GTF2A1: variants seen among roughly 807,000 people sequenced by gnomAD.
The protein encoded by GTF2A1 is transcription initiation factor IIA subunit 1.
In GTF2A1, 12 loss-of-function variants were observed where a neutral mutation model predicts 54.1. The observed-to-expected ratio is 0.22, with a 90% confidence interval of 0.14 to 0.36. GTF2A1 has a LOEUF of 0.36. Among genes scored for constraint, GTF2A1 ranks in the 10% least tolerant of loss-of-function variants. The pLI, the probability that GTF2A1 is intolerant of heterozygous loss-of-function variation, is 1.00. For missense variants in GTF2A1, 335 were observed against 442.2 expected, an observed-to-expected ratio of 0.76 and a Z score of 2.17; for synonymous variants, 145 against 152.0, an observed-to-expected ratio of 0.95 and a Z score of 0.34.
At chr14:81,206,734 A>T (rs1433411714) in intron 2 of GTF2A1, among the ~76,000 whole-genome samples, 1 of 152,140 alleles carries the variant, frequency 6.6e-6, no homozygotes, top group Non-Finnish European at 1.5e-5. Context: ...AGTGATTCAT[A>T]GTCAATTTAG....
chr14:81,198,959 G>C (rs1050711115), intron 4 of GTF2A1, among the ~76,000 whole-genome samples: 2 of 152,048 alleles, frequency 1.3e-5, no homozygotes, highest in Non-Finnish European at 2.9e-5. Context: ...TTCCCACTGT[G>C]TCTCCAGAAT....
chr14:81,218,036 T>C (rs1893524289), intron 1 of GTF2A1, among the ~76,000 whole-genome samples: 2 of 152,092 alleles, frequency 1.3e-5, no homozygotes, highest in Non-Finnish European at 2.9e-5. Context: ...TATCTGACTA[T>C]GGACATCATC....
At chr14:81,195,826 C>T (rs1258711307) in intron 6 of GTF2A1, among the ~76,000 whole-genome samples, 1 of 151,958 alleles carries the variant, frequency 6.6e-6, no homozygotes, top group African/African-American at 2.4e-5. Flanking sequence ...TCAGTAACTG[C>T]TTATTGAATA....
chr14:81,220,591 ACT>A lies in GTF2A1; in HGVS notation c.-75_-74del. ...TAAAAACAAAACCAAAAAAAAAAAAACTATAACACCCGGAGGGTGACCCAAAT... is the reference window on the plus strand; with the variant it reads ...TAAAAACAAAACCAAAAAAAAAAAAAATAACACCCGGAGGGTGACCCAAAT... On this transcript the variant is annotated 5_prime_UTR_variant, in exon 1 of 9. Coordinates refer to ENST00000553612, the MANE Select transcript of GTF2A1 (RefSeq NM_015859.4). The A allele has an allele frequency of 6.7e-6, 8 of 1,195,206 alleles. No individual in the cohort carries two copies. Among genetic ancestry groups the A allele is most frequent in the Non-Finnish European group, 9.2e-6 (8 of 870,260 alleles). The allele number at this position is 1,195,206 out of a possible 1,614,324, so 74.0% of individuals were successfully genotyped here.
intron 7 of GTF2A1, among the ~76,000 whole-genome samples, chr14:81,186,206 T>A (rs1306581641): frequency 6.6e-6 from 1 of 152,224 alleles, no homozygotes; most frequent in Non-Finnish European, 1.5e-5. Flanking sequence ...TTCTCTACAA[T>A]AACTGTTTAA....
At chr14:81,188,358 AG>A (rs1204379225) in intron 7 of GTF2A1, among the ~76,000 whole-genome samples, 2 of 152,154 alleles carry the variant, frequency 1.3e-5, no homozygotes, top group African/African-American at 4.8e-5. Context: ...ACTGCACTCC[AG>A]TCTGGGCAAC....
chr14:81,201,707 T>C (rs1386365325), intron 3 of GTF2A1, 49 bp from the exon 4 acceptor site: 1 of 1,267,814 alleles, frequency 7.9e-7, no homozygotes, highest in Non-Finnish European at 1.2e-6. Flanking sequence ...GAGGCTATTT[T>C]ATAATCACAA....
intron 2 of GTF2A1, among the ~76,000 whole-genome samples, chr14:81,211,882 T>C (rs1480686982): frequency 1.7e-4 from 8 of 45,998 alleles, no homozygotes; most frequent in African/African-American, 3.5e-4. Flanking sequence ...ACTTTATATA[T>C]ATATATATAT....
chr14:81,196,284 G>A, intron 5 of GTF2A1, 43 bp from the exon 6 acceptor site: 1 of 1,602,642 alleles, frequency 6.2e-7, no homozygotes, highest in Non-Finnish European at 8.5e-7. Flanking sequence ...TTTTAGCAGT[G>A]ACCATCTCAA....
At chr14:81,181,053 C>T (rs1892627902) in intron 8 of GTF2A1, among the ~76,000 whole-genome samples, 2 of 152,162 alleles carry the variant, frequency 1.3e-5, no homozygotes. Context: ...CTAAAGGATG[C>T]TAATCATCCA....
Position 81,216,447 on chromosome 14 carries a change from C to T in GTF2A1, c.98G>A (p.Gly33Glu). The change falls in exon 2 of 9, where the codon GGA becomes GAA. Residue 33 changes from glycine (G) to glutamate (E), a missense_variant. Gly to Glu is a moderately conservative substitution (Grantham distance 98, BLOSUM62 -2). Coordinates refer to ENST00000553612, the MANE Select transcript of GTF2A1 (RefSeq NM_015859.4). The part of the protein sequence containing the change: ...NDVRDIFLDD[G>E]VDEQVLMELK... Reference sequence around the variant, plus strand: ...TTCCATCAGTACTTGTTCATCCACTCCATCATCCAGAAAGATGTCTCTCAC... The same window carrying T: ...TTCCATCAGTACTTGTTCATCCACTTCATCATCCAGAAAGATGTCTCTCAC... The T allele has an allele frequency of 6.6e-7, 1 of 1,526,026 alleles. No homozygotes were observed. The highest frequency in any genetic ancestry group is 1.7e-5 in the Admixed American group (1 of 59,844). The allele number at this position is 1,526,026 out of a possible 1,614,324, so 94.5% of individuals were successfully genotyped here. A position where few individuals can be genotyped will look rare whatever the true frequency, so the allele number is the denominator to read the frequency against.
chr14:81,210,659 A>G (rs1893344084), intron 2 of GTF2A1, among the ~76,000 whole-genome samples: 1 of 152,154 alleles, frequency 6.6e-6, no homozygotes, highest in South Asian at 2.1e-4. Context: ...GGTTCAAGCA[A>G]TTCTCCTGCC....
chr14:81,196,772 A>G (rs542307374), intron 5 of GTF2A1, among the ~76,000 whole-genome samples: 190 of 152,352 alleles, frequency 1.2e-3, no homozygotes, highest in African/African-American at 4.3e-3. Context: ...GTTCCTTTAG[A>G]CAACCCAGAA....
In GTF2A1 at chr14:81,214,155, C is replaced by T. The variant is rs116124282; in HGVS notation, c.132+2258G>A. On this transcript the variant is annotated intron_variant, in intron 2 of 8. Transcript: ENST00000553612. ...AATACGCCAAGACCTACCTCATCAC[C>T]GCAATCAAGGTAAGATTTGCAACTG... Among the ~76,000 whole-genome samples, 1,422 of 152,258 alleles carry T rather than the reference C, an allele frequency of 9.3e-3. 26 individuals are homozygous for T. Among genetic ancestry groups the T allele is most frequent in the African/African-American group, 0.033 (1,366 of 41,534 alleles).
In GTF2A1 at chr14:81,220,773, C is replaced by T. The variant is rs1011054624; in HGVS notation, c.-255G>A. 1.4e-5 allele frequency: 5 copies of T among 368,586 alleles called. No individual in the cohort carries two copies. Among genetic ancestry groups the T allele is most frequent in the South Asian group, 7.9e-5 (1 of 12,696 alleles). 22.8% of individuals were successfully genotyped at this position (368,586 alleles called of 1,614,324 possible). Reference sequence around the variant, plus strand: ...AAAAAGCCACGACCCTTCAGGGGTCCGGGGGGCGTTGCCCGCTCCCCACCC... The same window carrying T: ...AAAAAGCCACGACCCTTCAGGGGTCTGGGGGGCGTTGCCCGCTCCCCACCC... On this transcript the variant is annotated 5_prime_UTR_variant, in exon 1 of 9. Transcript: ENST00000553612.
chr14:81,205,903 A>G lies in GTF2A1; in HGVS notation c.133-1799T>C, dbSNP rs1469393185. Among the ~76,000 whole-genome samples, 3 of 152,178 alleles carry G rather than the reference A, an allele frequency of 2.0e-5. No individual in the cohort carries two copies. The South Asian group carries it at 6.2e-4, about 31-fold the overall frequency. ...GACACTCACATGCTAAATAAAACAC[A>G]TTATGACTAATGTATTATATATAGT... is the stretch of plus-strand genomic sequence containing the variant. On this transcript the variant is annotated intron_variant, in intron 2 of 8. Transcript: ENST00000553612.
At chr14:81,188,858 C>T (rs994915865) in intron 7 of GTF2A1, among the ~76,000 whole-genome samples, 1 of 151,818 alleles carries the variant, frequency 6.6e-6, no homozygotes, top group African/African-American at 2.4e-5. Flanking sequence ...AATTTCAGCT[C>T]TTAGATGTAG....
intron 2 of GTF2A1, among the ~76,000 whole-genome samples, chr14:81,208,154 C>T (rs1333902856): frequency 6.6e-6 from 1 of 152,168 alleles, no homozygotes; most frequent in Non-Finnish European, 1.5e-5. Flanking sequence ...ATCAGAAGCC[C>T]AGAGACCCAG....
chr14:81,220,354 A>AAGC (rs1409975591), intron 1 of GTF2A1, 135 bp downstream of exon 1: 5 of 336,638 alleles, frequency 1.5e-5, no homozygotes, highest in Non-Finnish European at 2.5e-5. Flanking sequence ...CCGAGGCGGG[A>AAGC]AGCGGCGGCG....
Sources: gnomAD v4.1 joint callset for allele counts (sites outside exome capture counted in the v4.1 genomes callset) on GRCh38, gnomAD v4.1.1 for gene constraint, MANE v1.5 for transcripts, NCBI Gene and HGNC (gene_info 2026-07-23, HGNC 2026-07-21) for gene names.